The following UBXN2B variants were observed in gnomAD, a reference collection of about 807,000 sequenced individuals.
UBXN2B encodes UBX domain-containing protein 2B.
UBXN2B carries 19 observed loss-of-function variants against 37.5 expected under a neutral mutation model. The ratio of observed to expected loss-of-function variants is 0.51; its 90% CI spans 0.35 to 0.74. The LOEUF is 0.74. Among genes scored for constraint, UBXN2B ranks in the 30% least tolerant of loss-of-function variants. The pLI is 0.01. For missense variants in UBXN2B, 370 were observed against 393.2 expected (o/e 0.94, Z 0.50); for synonymous variants, 145 against 143.8 (o/e 1.01, Z -0.06).
chr8:58,424,723 G>C, intron 2 of UBXN2B: 1 of 1,359,322 alleles, frequency 7.4e-7, no homozygotes, highest in Non-Finnish European at 1.0e-6. Context: ...CGTCTGGTCC[G>C]CTAGAGAATA....
intron 1 of UBXN2B, among the ~76,000 whole-genome samples, chr8:58,413,975 C>T (rs1055938062): frequency 1.3e-5 from 2 of 152,176 alleles, no homozygotes; most frequent in African/African-American, 2.4e-5. Context: ...TAGTTGTATA[C>T]TCTGTCCCAG....
intron 2 of UBXN2B, among the ~76,000 whole-genome samples, chr8:58,417,712 C>T (rs1223524742): frequency 6.6e-6 from 1 of 152,168 alleles, no homozygotes; most frequent in Non-Finnish European, 1.5e-5. Flanking sequence ...TATAAGTTTT[C>T]AGTTCATCAA....
rs1585622194 is a variant in UBXN2B at position 58,446,136 on chromosome 8, T to TTC, written c.833+68_833+69insTC. 4.2e-6 allele frequency: 6 copies of TTC among 1,415,982 alleles called. No homozygotes were observed. The East Asian group carries it at 1.5e-4, about 35-fold the overall frequency. The allele number at this position is 1,415,982 out of a possible 1,614,324, so 87.7% of individuals were successfully genotyped here. ...ACTGGATTGCTTATCTAAGTAGAAC[T>TTC]GTATGTGACTTGAGTAATGAAGAAT... On this transcript the variant is annotated intron_variant, in intron 7 of 7. Transcript: ENST00000399598.
rs187781652 is a variant in UBXN2B at position 58,425,355 on chromosome 8, G to A, written c.189-5164G>A. On this transcript the variant is annotated intron_variant, in intron 2 of 7. Transcript: ENST00000399598. ...CTTGGAATACCATCCGCCAAAAGTC[G>A]TTCACCATGTTTTGCAGGCAGCCTT... The A allele has an allele frequency of 2.0e-5, 23 of 1,139,690 alleles. No individual in the cohort carries two copies. The East Asian group carries it at 2.1e-4, about 10-fold the overall frequency. 70.6% of individuals were successfully genotyped at this position (1,139,690 alleles called of 1,614,324 possible).
intron 1 of UBXN2B, 152 bp downstream of exon 1, chr8:58,411,621 G>T (rs1405551197): frequency 5.1e-6 from 3 of 586,884 alleles, no homozygotes; most frequent in East Asian, 7.0e-5. Context: ...TCCCGATGTC[G>T]GGTCTTGACA....
chr8:58,447,285 T>C (rs569857827), intron 7 of UBXN2B, 104 bp from the exon 8 acceptor site: 1 of 1,072,404 alleles, frequency 9.3e-7, no homozygotes, highest in East Asian at 2.6e-5. Flanking sequence ...ACAACACCTT[T>C]ATATAAAGAT....
rs532046823 is a variant in UBXN2B at position 58,450,644 on chromosome 8, A to G, written c.*3093A>G. 6.6e-6 allele frequency: 1 copy of G among 152,294 alleles called. No homozygotes were observed. The highest frequency in any genetic ancestry group is 2.4e-5 in the African/African-American group (1 of 41,546). 9.4% of individuals were successfully genotyped at this position (152,294 alleles called of 1,614,324 possible). ...CTCAGAATTCTTCCAGCCTCCACCT[A>G]CTGCCCAATTCCAGAGCCACTTTTC... On this transcript the variant is annotated 3_prime_UTR_variant, in exon 8 of 8. Coordinates refer to ENST00000399598, the MANE Select transcript of UBXN2B (RefSeq NM_001077619.2).
rs779990607 is a variant in UBXN2B at position 58,439,721 on chromosome 8, C to G, written c.622C>G (p.Pro208Ala). The change falls in exon 6 of 8, where the codon CCT becomes GCT. Residue 208 changes from proline to alanine, a missense_variant. Pro to Ala is a conservative substitution (Grantham distance 27). Around this residue, in one of 3 missense-constraint regions of UBXN2B, gnomAD observed 90 missense variants for 139.4 expected, o/e 0.65. Transcript: ENST00000399598. The stretch of plus-strand genomic sequence containing the variant: ...TCATCAGGATCAAGAATACATAAAA[C>G]CTAGATTGAGGTTCAAGGCTTTTAG... The part of the protein sequence containing the change: ...EDHQDQEYIK[P>A]RLRFKAFSGE... 1.2e-6 allele frequency: 2 copies of G among 1,609,142 alleles called. No homozygotes were observed. The highest frequency in any genetic ancestry group is 2.7e-5 in the African/African-American group (2 of 74,602).
chr8:58,427,700 A>G (rs1266370610), intron 2 of UBXN2B, among the ~76,000 whole-genome samples: 1 of 152,212 alleles, frequency 6.6e-6, no homozygotes, highest in Non-Finnish European at 1.5e-5. Flanking sequence ...TTTGGAGATG[A>G]ACTTGAGTGA....
At position 58,447,773 on chromosome 8, in the gene UBXN2B, T is replaced by C. The variant is rs1383393644; in HGVS notation, c.*222T>C. ...AGTTTTTAGTTGAAGGACTGGCTTATGTTGATAGTTTTTGGATTTCTAGGC... is the reference window on the plus strand; with the variant it reads ...AGTTTTTAGTTGAAGGACTGGCTTACGTTGATAGTTTTTGGATTTCTAGGC... On this transcript the variant is annotated 3_prime_UTR_variant, in exon 8 of 8. Transcript: ENST00000399598. 1 of 364,056 alleles carries C rather than the reference T, an allele frequency of 2.7e-6. No individual in the cohort carries two copies. Among genetic ancestry groups the C allele is most frequent in the Non-Finnish European group, 4.8e-6 (1 of 207,584 alleles). The allele number at this position is 364,056 out of a possible 1,614,324, so 22.6% of individuals were successfully genotyped here. A position where few individuals can be genotyped will look rare whatever the true frequency, so the allele number is the denominator to read the frequency against.
chr8:58,411,402 G>T lies in UBXN2B; in HGVS notation c.17G>T (p.Gly6Val), dbSNP rs772095076. Residue 6 changes from glycine to valine, a missense_variant, in exon 1 of 8, where the codon GGC (glycine) becomes GTC (valine). Gly to Val is a moderately radical substitution (Grantham distance 109). Transcript: ENST00000399598. ...CAGCGGAAGATGGCGGAGGGCGGAG[G>T]CCCTGAGCCCGGCGAGCAGGAGAGG... The part of the protein sequence containing the change: MAEGG[G>V]PEPGEQERRS... The T allele has an allele frequency of 6.7e-5, 85 of 1,268,836 alleles. No homozygotes were observed. The highest frequency in any genetic ancestry group is 3.1e-4 in the Middle Eastern group (1 of 3,274). 78.6% of individuals were successfully genotyped at this position (1,268,836 alleles called of 1,614,324 possible). A position where few individuals can be genotyped will look rare whatever the true frequency, so the allele number is the denominator to read the frequency against.
At position 58,434,469 on chromosome 8, in the gene UBXN2B, A is replaced by G; in HGVS notation, c.498A>G (p.Pro166=). The G allele has an allele frequency of 1.9e-6, 3 of 1,564,972 alleles. No individual in the cohort carries two copies. Among genetic ancestry groups the G allele is most frequent in the Non-Finnish European group, 2.6e-6 (3 of 1,157,444 alleles). ...GAGAATTGAGACCTTACAATGAACCAACAAATGCTCAATTTCTGGAGTCTG... is the reference window on the plus strand; with the variant it reads ...GAGAATTGAGACCTTACAATGAACCGACAAATGCTCAATTTCTGGAGTCTG... ...DDGELRPYNE[P]TNAQFLESVK... is the part of the protein sequence containing the mutation. Residue 166 remains proline (P), a synonymous_variant, in exon 5 of 8, where the codon CCA becomes CCG. Coordinates refer to ENST00000399598, the MANE Select transcript of UBXN2B (RefSeq NM_001077619.2).
intron 1 of UBXN2B, among the ~76,000 whole-genome samples, chr8:58,412,586 T>C (rs957687308): frequency 3.9e-5 from 6 of 152,232 alleles, no homozygotes; most frequent in East Asian, 3.9e-4. Flanking sequence ...GGTTCAGTAG[T>C]AGTAAACAGT....
At chr8:58,437,318 CTTTTTTTT>C (rs773987509) in intron 5 of UBXN2B, among the ~76,000 whole-genome samples, 154 of 74,260 alleles carry the variant, frequency 2.1e-3, no homozygotes, top group Admixed American at 5.1e-3. Context: ...GAAGAAATTT[CTTTTTTTT>C]TTTTTTTTTT....
intron 2 of UBXN2B, chr8:58,424,530 T>G: frequency 6.3e-6 from 5 of 798,230 alleles, no homozygotes; most frequent in Non-Finnish European, 1.1e-5. Context: ...AGTTTGATCT[T>G]TTTAGGGAGA....
rs905141143 is a variant in UBXN2B at position 58,423,441 on chromosome 8, GTTT to G, written c.188+6498_188+6500del. Among the ~76,000 whole-genome samples, 11 of 146,886 alleles carry G rather than the reference GTTT, an allele frequency of 7.5e-5. No homozygotes were observed. The East Asian group carries it at 9.9e-4, about 13-fold the overall frequency. On this transcript the variant is annotated intron_variant, in intron 2 of 7. Coordinates refer to ENST00000399598, the MANE Select transcript of UBXN2B (RefSeq NM_001077619.2). ...GGGGGTGGGTTTTTTTTTTGTTGTT[GTTT>G]TTTTTTTTTGACACGGAGTCTTGCA...
At chr8:58,422,816 C>A (rs1302083867) in intron 2 of UBXN2B, among the ~76,000 whole-genome samples, 1 of 152,230 alleles carries the variant, frequency 6.6e-6, no homozygotes, top group Non-Finnish European at 1.5e-5. Flanking sequence ...ATTCAGGAAG[C>A]TTCTTGAAGA....
intron 2 of UBXN2B, among the ~76,000 whole-genome samples, 164 bp downstream of exon 2, chr8:58,417,117 A>G (rs925200389): frequency 6.6e-6 from 1 of 152,160 alleles, no homozygotes; most frequent in Non-Finnish European, 1.5e-5. Context: ...GAAATGATTA[A>G]TATCATTTAG....
chr8:58,435,440 G>A (rs972043403), intron 5 of UBXN2B, among the ~76,000 whole-genome samples: 1 of 152,172 alleles, frequency 6.6e-6, no homozygotes, highest in African/African-American at 2.4e-5. Context: ...CATTGGGAAA[G>A]GTGGGAAGCT....
Sources: gnomAD v4.1 joint callset for allele counts (sites outside exome capture counted in the v4.1 genomes callset) on GRCh38, gnomAD v4.1.1 for gene constraint, gnomAD v4.1.1 regional missense constraint, MANE v1.5 for transcripts, NCBI Gene and HGNC (gene_info 2026-07-23, HGNC 2026-07-21) for gene names.